The following ADGRV1 variants were observed in gnomAD, a reference collection of about 807,000 sequenced individuals.
ADGRV1 encodes adhesion G protein-coupled receptor V1, also known as G-protein coupled receptor 98.
Under a neutral mutation model 596.2 loss-of-function variants are expected in ADGRV1, and 359 were observed. The observed-to-expected ratio is 0.60, with a 90% CI of 0.55 to 0.66. The LOEUF (loss-of-function observed/expected upper bound fraction) is 0.66. ADGRV1 is among the 30% of genes least tolerant of loss of function. The pLI, the probability that ADGRV1 is intolerant of heterozygous loss-of-function variation, is 0.00. For synonymous variants in ADGRV1, 2,681 were observed against 2,679.2 expected (o/e 1.00, Z -0.02); for missense variants, 7,274 against 7,575.6 (o/e 0.96, Z 1.48).
chr5:90,572,233 G>A (rs1014478386), intron 1 of ADGRV1, among the ~76,000 whole-genome samples: 1 of 152,128 alleles, frequency 6.6e-6, no homozygotes, highest in Non-Finnish European at 1.5e-5. Context: ...GATGTATGTT[G>A]ATAAGCTCTT....
chr5:91,024,996 C>A lies in ADGRV1; in HGVS notation c.18152+39474C>A, dbSNP rs189390991. Among the ~76,000 whole-genome samples the A allele has an allele frequency of 1.2e-4, 18 of 152,210 alleles. No individual in the cohort carries two copies. In the East Asian group the frequency reaches 3.1e-3, roughly 26 times the overall value. On this transcript the variant is annotated intron_variant, in intron 85 of 89. Coordinates refer to ENST00000405460, the MANE Select transcript of ADGRV1 (RefSeq NM_032119.4). Reference sequence around the variant, plus strand: ...CTTTAGAGTTTCCATTGGTTATAAACGGCAGCTTTTTGAGCTCTCTTTAGA... The same window carrying A: ...CTTTAGAGTTTCCATTGGTTATAAAAGGCAGCTTTTTGAGCTCTCTTTAGA...
chr5:91,159,789 A>G (rs1796793425), intron 89 of ADGRV1, among the ~76,000 whole-genome samples: 1 of 152,144 alleles, frequency 6.6e-6, no homozygotes, highest in African/African-American at 2.4e-5. Flanking sequence ...TCACCCTGGG[A>G]CAGCCTCCAT....
At chr5:90,976,322 G>GTGTGTGTGTATATA (rs1420288881) in intron 84 of ADGRV1, among the ~76,000 whole-genome samples, 10 of 108,618 alleles carry the variant, frequency 9.2e-5, no homozygotes, top group Middle Eastern at 5.0e-3. Context: ...GTGTGTGTGT[G>GTGTGTGTGTATATA]TATATATATA....
chr5:90,627,511 C>A lies in ADGRV1; in HGVS notation c.973C>A (p.Leu325Ile). The change falls in exon 7 of 90, where the codon CTT (leucine) becomes ATT (isoleucine). Residue 325 changes from leucine to isoleucine, a missense_variant. Coordinates refer to ENST00000405460, the MANE Select transcript of ADGRV1 (RefSeq NM_032119.4). ...CCAGCAAAATCTGGACTTCATTGAT[C>A]TTCAGCCAAACACAACTGTTGTTTT... ...HAQQNLDFID[L>I]QPNTTVVFPP... is the part of the protein sequence containing the mutation. The A allele has an allele frequency of 6.2e-7, 1 of 1,613,936 alleles. No homozygotes were observed. Among genetic ancestry groups the A allele is most frequent in the South Asian group, 1.1e-5 (1 of 91,064 alleles).
intron 85 of ADGRV1, among the ~76,000 whole-genome samples, chr5:91,011,506 C>T (rs1251945867): frequency 6.6e-6 from 1 of 151,916 alleles, no homozygotes; most frequent in African/African-American, 2.4e-5. Context: ...TTTCACTCCA[C>T]ATTTTACCTC....
chr5:90,967,040 G>A lies in ADGRV1; in HGVS notation c.17973+1509G>A, dbSNP rs539676673. 5.3e-5 allele frequency among the ~76,000 whole-genome samples: 8 copies of A among 152,244 alleles called. No individual in the cohort carries two copies. In the East Asian group the frequency reaches 1.2e-3, roughly 22 times the overall value. On this transcript the variant is annotated intron_variant, in intron 84 of 89. Coordinates refer to ENST00000405460, the MANE Select transcript of ADGRV1 (RefSeq NM_032119.4). ...ATGGTAAAAGGAGAAAGAAAGTGAG[G>A]TGGTGGTATTATGAGAGAATACCAC...
intron 4 of ADGRV1, among the ~76,000 whole-genome samples, 186 bp from the exon 5 acceptor site, chr5:90,622,411 T>G (rs1373542066): frequency 6.6e-6 from 1 of 152,230 alleles, no homozygotes; most frequent in African/African-American, 2.4e-5. Context: ...CCCTTTACAC[T>G]ATTCTTTTTA....
At chr5:90,704,964 C>T (rs1019177992) in intron 36 of ADGRV1, among the ~76,000 whole-genome samples, 1 of 151,982 alleles carries the variant, frequency 6.6e-6, no homozygotes, top group African/African-American at 2.4e-5. Flanking sequence ...GCATGCACTA[C>T]CATGCCCAGC....
rs762730974 is a variant in ADGRV1, at chr5:90,694,697, T to C, written c.7941T>C (p.Ala2647=). 3 of 1,570,506 alleles carry C rather than the reference T, an allele frequency of 1.9e-6. No individual in the cohort carries two copies. The South Asian group carries it at 3.6e-5, about 19-fold the overall frequency. ...GTGCTGGAGAGATTCTGACCTTTGCTGAAGGTGAGCAATGGTTCTAAATGA... is the reference window on the plus strand; with the variant it reads ...GTGCTGGAGAGATTCTGACCTTTGCCGAAGGTGAGCAATGGTTCTAAATGA... ...FIGAGEILTF[A]EGETKKTVIL... Residue 2647 remains alanine, a synonymous_variant, in exon 33 of 90, where the codon GCT becomes GCC. Coordinates refer to ENST00000405460, the MANE Select transcript of ADGRV1 (RefSeq NM_032119.4).
chr5:91,105,350 G>A (rs1305535422), intron 87 of ADGRV1, among the ~76,000 whole-genome samples: 1 of 152,134 alleles, frequency 6.6e-6, no homozygotes, highest in African/African-American at 2.4e-5. Flanking sequence ...TAGGATAAAT[G>A]CTCAGTAGTG....
chr5:91,108,141 C>T (rs1792053997), intron 87 of ADGRV1, among the ~76,000 whole-genome samples: 1 of 152,096 alleles, frequency 6.6e-6, no homozygotes, highest in Non-Finnish European at 1.5e-5. Context: ...AAAGTAATGC[C>T]TATTAAGAAA....
At chr5:91,066,709 C>T (rs898371281) in intron 85 of ADGRV1, among the ~76,000 whole-genome samples, 1 of 152,154 alleles carries the variant, frequency 6.6e-6, no homozygotes, top group Non-Finnish European at 1.5e-5. Flanking sequence ...GCCTCCTTTG[C>T]AAATGTTAAG....
Position 91,033,167 on chromosome 5 carries a change from A to G in ADGRV1, c.18153-39280A>G, listed in dbSNP as rs932160140. ...TTCCATTGATGTGATTAAACACTCC[A>G]CTTTTTGTTTACTAATTTGTATGGT... is the stretch of plus-strand genomic sequence containing the variant. On this transcript the variant is annotated intron_variant, in intron 85 of 89. Coordinates refer to ENST00000405460, the MANE Select transcript of ADGRV1 (RefSeq NM_032119.4). 6.6e-5 allele frequency among the ~76,000 whole-genome samples: 10 copies of G among 152,082 alleles called. No individual in the cohort carries two copies. The South Asian group carries it at 1.0e-3, about 16-fold the overall frequency.
At chr5:91,137,404 A>C (rs1275774546) in intron 87 of ADGRV1, among the ~76,000 whole-genome samples, 1 of 152,154 alleles carries the variant, frequency 6.6e-6, no homozygotes, top group Non-Finnish European at 1.5e-5. Flanking sequence ...CACAGGACTT[A>C]ACTGTGTTCA....
chr5:91,044,605 G>T (rs763366593), intron 85 of ADGRV1, among the ~76,000 whole-genome samples: 21 of 152,126 alleles, frequency 1.4e-4, no homozygotes, highest in Non-Finnish European at 2.2e-4. Flanking sequence ...AGTAAAAATG[G>T]AGAATGTCAG....
intron 83 of ADGRV1, among the ~76,000 whole-genome samples, chr5:90,876,564 C>G (rs570576303): frequency 6.6e-6 from 1 of 152,188 alleles, no homozygotes; most frequent in East Asian, 1.9e-4. Flanking sequence ...TAAAAAATGC[C>G]CTTGTATTAT....
chr5:90,828,996 G>A lies in ADGRV1; in HGVS notation c.16421G>A (p.Gly5474Glu). 6.2e-7 allele frequency: 1 copy of A among 1,606,554 alleles called. No homozygotes were observed. Among genetic ancestry groups the A allele is most frequent in the South Asian group, 1.1e-5 (1 of 89,734 alleles). The change falls in exon 77 of 90, where the codon GGA becomes GAA. Residue 5474 changes from glycine (G) to glutamate (E), a missense_variant. By Grantham distance (98) the Gly-to-Glu change is moderately conservative. This residue lies in a region of ADGRV1 where 1,874 missense variants were observed against 1,970.2 expected (regional missense o/e 0.95). Coordinates refer to ENST00000405460, the MANE Select transcript of ADGRV1 (RefSeq NM_032119.4). ...GTGGAACTATATGAAGCTACTGCTG[G>A]AGCAGCAATAAACAACAGTGCCAGA... ...FFVELYEATA[G>E]AAINNSARFA...
chr5:90,694,467 G>A lies in ADGRV1; in HGVS notation c.7711G>A (p.Ala2571Thr), dbSNP rs1441288899. The A allele has an allele frequency of 6.8e-6, 11 of 1,613,922 alleles. No individual in the cohort carries two copies. Among genetic ancestry groups the A allele is most frequent in the Admixed American group, 3.3e-5 (2 of 60,008 alleles). The change falls in exon 33 of 90, where the codon GCA (alanine) becomes ACA (threonine). Residue 2571 changes from alanine (A) to threonine (T), a missense_variant. Coordinates refer to ENST00000405460, the MANE Select transcript of ADGRV1 (RefSeq NM_032119.4). Reference sequence around the variant, plus strand: ...GCCAAATATTTCTACAGTTGTCATAGCACTAAATGGTGATGCCTTTGGAGT... The same window carrying A: ...GCCAAATATTTCTACAGTTGTCATAACACTAAATGGTGATGCCTTTGGAGT... ...GQPNISTVVI[A>T]LNGDAFGVFV...
intron 85 of ADGRV1, among the ~76,000 whole-genome samples, chr5:91,007,405 C>G (rs774080846): frequency 1.4e-5 from 2 of 147,188 alleles, no homozygotes; most frequent in African/African-American, 5.2e-5. Flanking sequence ...ATCTCCCTAC[C>G]TACTTCCTTT....
Sources: allele counts gnomAD v4.1 joint callset (sites outside exome capture counted in the v4.1 genomes callset), GRCh38; gene constraint gnomAD v4.1.1; regional missense constraint gnomAD v4.1.1; transcripts MANE v1.5; gene names NCBI Gene and HGNC (gene_info 2026-07-23, HGNC 2026-07-21).